Variants in CORIN observed in about 807,000 individuals in gnomAD.
The protein encoded by CORIN is corin, serine peptidase, also known as atrial natriuretic peptide-converting enzyme.
Under a neutral mutation model 125.3 loss-of-function variants are expected in CORIN, and 117 were observed. The ratio of observed to expected loss-of-function variants is 0.93; its 90% confidence interval spans 0.80 to 1.09. The LOEUF (loss-of-function observed/expected upper bound fraction) is 1.09. Among genes scored for constraint, CORIN ranks in the 50% least tolerant of loss-of-function variants. The pLI is 0.00. For synonymous variants in CORIN, 450 were observed against 466.4 expected (o/e 0.96, Z 0.45); for missense variants, 1,253 against 1,306.7 (o/e 0.96, Z 0.63).
chr4:47,804,744 G>GGGGGGGGGGGGGGGGGGGC (rs1731696897), intron 2 of CORIN, among the ~76,000 whole-genome samples: 1 of 131,182 alleles, frequency 7.6e-6, no homozygotes, highest in Non-Finnish European at 1.6e-5. Flanking sequence ...GGAGGGGGGG[G>GGGGGGGGGGGGGGGGGGGC]GTTGTTAATG....
chr4:47,773,986 C>G (rs554368178), intron 3 of CORIN, among the ~76,000 whole-genome samples: 1 of 151,992 alleles, frequency 6.6e-6, no homozygotes, highest in Non-Finnish European at 1.5e-5. Context: ...TTCATATTGT[C>G]TTTGCTTTAA....
chr4:47,605,176 C>T (rs1194833496), intron 19 of CORIN, among the ~76,000 whole-genome samples: 2 of 152,158 alleles, frequency 1.3e-5, no homozygotes, highest in African/African-American at 4.8e-5. Flanking sequence ...CTTCACTCTA[C>T]TTGACACTGC....
intron 19 of CORIN, among the ~76,000 whole-genome samples, chr4:47,615,474 T>C (rs1722036716): frequency 6.6e-6 from 1 of 152,210 alleles, no homozygotes; most frequent in Non-Finnish European, 1.5e-5. Flanking sequence ...TCCTAGTATA[T>C]TATAACTTTA....
At chr4:47,630,864 C>A (rs1302639491) in intron 16 of CORIN, among the ~76,000 whole-genome samples, 2 of 152,108 alleles carry the variant, frequency 1.3e-5, no homozygotes, top group Non-Finnish European at 2.9e-5. Context: ...TCAGATGGGA[C>A]CCAAAATCTG....
At position 47,806,963 on chromosome 4, in the gene CORIN, C is replaced by T; in HGVS notation, c.148G>A (p.Val50Ile). The T allele has an allele frequency of 6.2e-7, 1 of 1,613,876 alleles. No individual in the cohort carries two copies. The highest frequency in any genetic ancestry group is 1.1e-5 in the South Asian group (1 of 91,066). The change falls in exon 2 of 22, where the codon GTC becomes ATC. Residue 50 changes from valine to isoleucine, a missense_variant. Coordinates refer to ENST00000273857, the MANE Select transcript of CORIN (RefSeq NM_006587.4). ...AGAGCACAGATACATGGAATCAGGA[C>T]CAGCAATAGGAACCGGAGGAGGTTA... ...TANLLRFLLL[V>I]LIPCICALVL...
At position 47,763,396 on chromosome 4, in the gene CORIN, G is replaced by A. The variant is rs760360834; in HGVS notation, c.600C>T (p.Ile200=). Residue 200 remains isoleucine, a synonymous_variant, in exon 4 of 22, where the codon ATC becomes ATT. Transcript: ENST00000273857. ...FGCTLAFPEC[I]IDGDDSHGLL... ...CGAAATACCTGTCATCGCCATCAAT[G>A]ATGCACTCAGGGAAGGCGAGGGTAC... 8.1e-6 allele frequency: 13 copies of A among 1,613,608 alleles called. 1 individual carries two copies. In the South Asian group the frequency reaches 9.9e-5, roughly 12 times the overall value.
chr4:47,837,735 G>T lies in CORIN; in HGVS notation c.63+152C>A, dbSNP rs554707010. The T allele has an allele frequency of 2.6e-4, 205 of 794,834 alleles. No individual in the cohort carries two copies. In the African/African-American group the frequency reaches 3.0e-3, roughly 12 times the overall value. 49.2% of individuals were successfully genotyped at this position (794,834 alleles called of 1,614,324 possible). A position where few individuals can be genotyped will look rare whatever the true frequency, so the allele number is the denominator to read the frequency against. On this transcript the variant is annotated intron_variant, in intron 1 of 21. Transcript: ENST00000273857. ...AACTGGGTGCAGGGCGCTGAGCGCG[G>T]AACTGTCAGAGCGGGAGCTCACCGG...
At chr4:47,731,993 A>G (rs976287539) in intron 5 of CORIN, among the ~76,000 whole-genome samples, 1 of 152,154 alleles carries the variant, frequency 6.6e-6, no homozygotes, top group African/African-American at 2.4e-5. Context: ...GTTTTTCTTG[A>G]GAGGTGTAAG....
At chr4:47,815,714 G>C (rs1732236867) in intron 1 of CORIN, among the ~76,000 whole-genome samples, 2 of 152,068 alleles carry the variant, frequency 1.3e-5, no homozygotes, top group African/African-American at 4.8e-5. Context: ...CAGTTTTTCA[G>C]CCTATATTTT....
intron 10 of CORIN, among the ~76,000 whole-genome samples, chr4:47,669,751 A>T (rs1266015697): frequency 6.6e-6 from 1 of 151,880 alleles, no homozygotes; most frequent in African/African-American, 2.4e-5. Flanking sequence ...TTGTATTTTT[A>T]GTAGAGATGG....
chr4:47,812,305 C>T (rs1210842838), intron 1 of CORIN, among the ~76,000 whole-genome samples: 1 of 152,006 alleles, frequency 6.6e-6, no homozygotes, highest in African/African-American at 2.4e-5. Context: ...CAAGGTCAAA[C>T]TGGACAATAT....
intron 1 of CORIN, among the ~76,000 whole-genome samples, chr4:47,809,903 G>A (rs995738170): frequency 1.3e-5 from 2 of 152,158 alleles, no homozygotes; most frequent in Non-Finnish European, 2.9e-5. Context: ...AGACTTCACT[G>A]TTGAGTAAAT....
In CORIN at chr4:47,822,170, T is replaced by A. The variant is rs4695279; in HGVS notation, c.64-15123A>T. Among the ~76,000 whole-genome samples, 1,124 of 152,304 alleles carry A rather than the reference T, an allele frequency of 7.4e-3. 13 individuals are homozygous for A. The highest frequency in any genetic ancestry group is 0.025 in the African/African-American group (1,049 of 41,538). On this transcript the variant is annotated intron_variant, in intron 1 of 21. Coordinates refer to ENST00000273857, the MANE Select transcript of CORIN (RefSeq NM_006587.4). The stretch of plus-strand genomic sequence containing the variant: ...AAATTATTAAACAAAATGTATTTAC[T>A]TTTTTCCTTTTTAAAAAATTTAAAA...
chr4:47,779,401 C>T (rs528543616), intron 3 of CORIN, among the ~76,000 whole-genome samples: 6 of 151,838 alleles, frequency 4.0e-5, no homozygotes, highest in African/African-American at 1.4e-4. Flanking sequence ...CCAAGGCCTG[C>T]TCTGATCCTC....
chr4:47,654,682 C>G (rs1163522688), intron 12 of CORIN, among the ~76,000 whole-genome samples: 1 of 152,220 alleles, frequency 6.6e-6, no homozygotes, highest in African/African-American at 2.4e-5. Flanking sequence ...TTCTGGCAAG[C>G]CTTACCACCA....
chr4:47,805,093 G>A (rs928669237), intron 2 of CORIN, among the ~76,000 whole-genome samples: 10 of 144,156 alleles, frequency 6.9e-5, no homozygotes, highest in African/African-American at 2.1e-4. Context: ...CCGAGATCGC[G>A]CCACTGCACT....
At chr4:47,640,875 C>T (rs529822907) in intron 16 of CORIN, among the ~76,000 whole-genome samples, 8 of 152,254 alleles carry the variant, frequency 5.3e-5, no homozygotes, top group African/African-American at 1.9e-4. Context: ...TTTCATTTAT[C>T]TCTGAACACA....
At chr4:47,817,371 T>C (rs540416332) in intron 1 of CORIN, among the ~76,000 whole-genome samples, 22 of 151,982 alleles carry the variant, frequency 1.4e-4, no homozygotes, top group Non-Finnish European at 2.4e-4. Context: ...GGAGTGGTAC[T>C]AGGGTAGAAC....
intron 10 of CORIN, among the ~76,000 whole-genome samples, chr4:47,668,266 A>G (rs1475575303): frequency 6.6e-6 from 1 of 152,262 alleles, no homozygotes; most frequent in Non-Finnish European, 1.5e-5. Context: ...AAAACACTAC[A>G]AAGATGCAGA....
Sources: allele counts gnomAD v4.1 joint callset (sites outside exome capture counted in the v4.1 genomes callset), GRCh38; gene constraint gnomAD v4.1.1; transcripts MANE v1.5; gene names NCBI Gene and HGNC (gene_info 2026-07-23, HGNC 2026-07-21).